The following SSC4D variants were observed in gnomAD, a reference collection of about 807,000 sequenced individuals.
SSC4D encodes the protein scavenger receptor cysteine-rich domain-containing group B protein.
In SSC4D, 57 loss-of-function variants were observed where a neutral mutation model predicts 63.4. The observed-to-expected ratio is 0.90, with a 90% CI of 0.73 to 1.12. The LOEUF (loss-of-function observed/expected upper bound fraction) is 1.12. Among genes scored for constraint, SSC4D ranks in the 50% most tolerant of loss-of-function variants. The probability of loss-of-function intolerance (pLI) is 0.00; values close to 1 mark genes in which losing one functional copy is unlikely to be tolerated. For missense variants in SSC4D, 791 were observed against 806.4 expected (o/e 0.98, Z 0.23); for synonymous variants, 352 against 345.4 (o/e 1.02, Z -0.21).
Position 76,392,023 on chromosome 7 carries a change from A to G in SSC4D, c.1352T>C (p.Leu451Pro), listed in dbSNP as rs1284091057. 5 of 1,580,060 alleles carry G rather than the reference A, an allele frequency of 3.2e-6. No homozygotes were observed. The East Asian group carries it at 1.2e-4, about 36-fold the overall frequency. Reference sequence around the variant, plus strand: ...CTCAGAACCATCCTGCTGGACTTGCAGTCCCAGCTCCTCTGGGCCTGGTTC... The same window carrying G: ...CTCAGAACCATCCTGCTGGACTTGCGGTCCCAGCTCCTCTGGGCCTGGTTC... Reference protein sequence around the residue: ...ALCAGPEELGLQVQQDGSETT... With the variant: ...ALCAGPEELGPQVQQDGSETT... The change falls in exon 10 of 11, where the codon CTG (leucine) becomes CCG (proline). Residue 451 changes from leucine to proline, a missense_variant. By Grantham distance (98) the Leu-to-Pro change is moderately conservative (BLOSUM62 -3). Coordinates refer to ENST00000275560, the MANE Select transcript of SSC4D (RefSeq NM_080744.2).
At position 76,404,354 on chromosome 7, in the gene SSC4D, G is replaced by C; in HGVS notation, c.86C>G (p.Pro29Arg). 6.2e-7 allele frequency: 1 copy of C among 1,613,192 alleles called. No individual in the cohort carries two copies. Among genetic ancestry groups the C allele is most frequent in the Non-Finnish European group, 8.5e-7 (1 of 1,179,650 alleles). The change falls in exon 2 of 11, where the codon CCT (proline) becomes CGT (arginine). Residue 29 changes from proline (P) to arginine (R), a missense_variant. Physicochemically the swap from Pro to Arg is moderately radical, Grantham distance 103 (BLOSUM62 -2). Transcript: ENST00000275560. The stretch of plus-strand genomic sequence containing the variant: ...AGACAGGGCTTGGGGGAGGAAGGGA[G>C]GGGCAGCACTCCCATCTCCCAACCT... The part of the protein sequence containing the change: ...GWRLGDGSAA[P>R]PFLPQALSFL...
At chr7:76,397,420 C>A in intron 6 of SSC4D, 98 bp downstream of exon 6, 1 of 1,380,764 alleles carries the variant, frequency 7.2e-7, no homozygotes, top group South Asian at 1.5e-5. Flanking sequence ...CCAAAACACC[C>A]TCCCCATCCA....
intron 1 of SSC4D, among the ~76,000 whole-genome samples, chr7:76,406,747 G>A (rs1220827576): frequency 6.7e-6 from 1 of 150,066 alleles, no homozygotes; most frequent in Admixed American, 6.7e-5. Context: ...CTCCTGTCTT[G>A]CACTTTTTTT....
rs1804606987 is a variant in SSC4D at position 76,395,164 on chromosome 7, C to T, written c.946+89G>A. On this transcript the variant is annotated intron_variant, in intron 7 of 10. Coordinates refer to ENST00000275560, the MANE Select transcript of SSC4D (RefSeq NM_080744.2). Reference sequence around the variant, plus strand: ...AAGCCCTGGCCTGTTAGCCAGGGCCCCCGCCTGTGAATCCAGAACATTCTT... The same window carrying T: ...AAGCCCTGGCCTGTTAGCCAGGGCCTCCGCCTGTGAATCCAGAACATTCTT... The T allele has an allele frequency of 1.1e-5, 17 of 1,497,748 alleles. No individual in the cohort carries two copies. In the South Asian group the frequency reaches 1.7e-4, roughly 15 times the overall value. 92.8% of individuals were successfully genotyped at this position (1,497,748 alleles called of 1,614,324 possible).
chr7:76,398,988 AG>A (rs758176671), intron 4 of SSC4D, among the ~76,000 whole-genome samples, 191 bp from the exon 5 acceptor site: 1 of 152,278 alleles, frequency 6.6e-6, no homozygotes, highest in Middle Eastern at 3.4e-3. Context: ...ACTCCTCTAA[AG>A]CACGGTTTTT....
chr7:76,395,210 A>C, intron 7 of SSC4D, 43 bp downstream of exon 7: 1 of 1,607,844 alleles, frequency 6.2e-7, no homozygotes, highest in South Asian at 1.1e-5. Context: ...AGCCGCACCC[A>C]CCATACCCCT....
At chr7:76,404,592 G>A in intron 1 of SSC4D, 87 bp from the exon 2 acceptor site, 1 of 1,099,480 alleles carries the variant, frequency 9.1e-7, no homozygotes, top group Non-Finnish European at 1.3e-6. Flanking sequence ...AGGGGTTTGA[G>A]ATCAGCCTGG....
chr7:76,393,269 G>A (rs942857846), intron 9 of SSC4D, 136 bp downstream of exon 9: 5 of 923,462 alleles, frequency 5.4e-6, no homozygotes, highest in South Asian at 5.6e-5. Context: ...ACGGCGGGGC[G>A]GCGCCCCTCT....
rs1370745079 is a variant in SSC4D at position 76,405,185 on chromosome 7, C to A, written c.-66-680G>T. 1.5e-4 allele frequency among the ~76,000 whole-genome samples: 20 copies of A among 134,576 alleles called. No individual in the cohort carries two copies. The East Asian group carries it at 4.4e-3, about 29-fold the overall frequency. 88.3% of individuals were successfully genotyped at this position (134,576 alleles called of 152,430 possible). A position where few individuals can be genotyped will look rare whatever the true frequency, so the allele number is the denominator to read the frequency against. ...ATGGCACAATCTCGGCTCACTGCAA[C>A]CTCCATCTCTCAGGTTCAAGTGATT... is the stretch of plus-strand genomic sequence containing the variant. On this transcript the variant is annotated intron_variant, in intron 1 of 10. Transcript: ENST00000275560.
At position 76,397,758 on chromosome 7, in the gene SSC4D, A is replaced by T; in HGVS notation, c.628T>A (p.Trp210Arg). 6.2e-7 allele frequency: 1 copy of T among 1,613,004 alleles called. No homozygotes were observed. Among genetic ancestry groups the T allele is most frequent in the Non-Finnish European group, 8.5e-7 (1 of 1,179,648 alleles). ...GRVEILHSGL[W>R]GTVCDDDWGL... Reference sequence around the variant, plus strand: ...CAGTCGTCGTCACACACGGTGCCCCACAGGCCACTGTGCAGGATCTCCACT... The same window carrying T: ...CAGTCGTCGTCACACACGGTGCCCCTCAGGCCACTGTGCAGGATCTCCACT... Residue 210 changes from tryptophan (W) to arginine (R), a missense_variant, in exon 6 of 11, where the codon TGG (tryptophan) becomes AGG (arginine). By Grantham distance (101) the Trp-to-Arg change is moderately radical. Coordinates refer to ENST00000275560, the MANE Select transcript of SSC4D (RefSeq NM_080744.2).
intron 1 of SSC4D, among the ~76,000 whole-genome samples, chr7:76,405,495 T>C (rs1399150401): frequency 6.7e-6 from 1 of 150,346 alleles, no homozygotes; most frequent in Non-Finnish European, 1.5e-5. Flanking sequence ...ACATTTCTTT[T>C]TTATGAGTCG....
rs1001726254 is a variant in SSC4D at position 76,404,561 on chromosome 7, G to A, written c.-66-56C>T. On this transcript the variant is annotated intron_variant, in intron 1 of 10. Coordinates refer to ENST00000275560, the MANE Select transcript of SSC4D (RefSeq NM_080744.2). ...CCTCCCAGCACTTTGGGAGGCCGAG[G>A]TGGGAGGATTGCTTGCACCCAGGGG... The A allele has an allele frequency of 4.1e-6, 6 of 1,467,960 alleles. No individual in the cohort carries two copies. The Admixed American group carries it at 1.0e-4, about 25-fold the overall frequency. 90.9% of individuals were successfully genotyped at this position (1,467,960 alleles called of 1,614,324 possible). A position where few individuals can be genotyped will look rare whatever the true frequency, so the allele number is the denominator to read the frequency against.
At chr7:76,392,499 A>G (rs1211161384) in intron 9 of SSC4D, among the ~76,000 whole-genome samples, 1 of 151,090 alleles carries the variant, frequency 6.6e-6, no homozygotes, top group Non-Finnish European at 1.5e-5. Flanking sequence ...GCAGTGAGCC[A>G]CTGCACTTCA....
At chr7:76,408,415 TG>T (rs1805117495) in intron 1 of SSC4D, among the ~76,000 whole-genome samples, 1 of 152,034 alleles carries the variant, frequency 6.6e-6, no homozygotes, top group South Asian at 2.1e-4. Flanking sequence ...GTCCAGTCTT[TG>T]CTTGTTGTGG....
chr7:76,405,675 A>G (rs1805001712), intron 1 of SSC4D, among the ~76,000 whole-genome samples: 1 of 151,876 alleles, frequency 6.6e-6, no homozygotes, highest in Admixed American at 6.6e-5. Flanking sequence ...CTGAGTGGAG[A>G]CGACGGCAGA....
chr7:76,400,403 T>G lies in SSC4D; in HGVS notation c.358A>C (p.Ile120Leu), dbSNP rs774191435. The G allele has an allele frequency of 1.9e-6, 3 of 1,601,476 alleles. No homozygotes were observed. The African/African-American group carries it at 4.0e-5, about 21-fold the overall frequency. ...CGGCACTCCACGTTGTCCAGCAGGA[T>G]GGGGCCTCGGCCTTGGCCAAAGGCA... ...PLAFGQGRGPILLDNVECRGQ... is the reference protein window; with the variant it reads ...PLAFGQGRGPLLLDNVECRGQ... Residue 120 changes from isoleucine to leucine, a missense_variant, in exon 4 of 11, where the codon ATC becomes CTC. Ile to Leu is a conservative substitution (Grantham distance 5). Coordinates refer to ENST00000275560, the MANE Select transcript of SSC4D (RefSeq NM_080744.2).
chr7:76,398,568 G>A (rs1804714819), intron 5 of SSC4D, 152 bp downstream of exon 5: 1 of 830,376 alleles, frequency 1.2e-6, no homozygotes, highest in Non-Finnish European at 2.0e-6. Flanking sequence ...GCCTCCCAAA[G>A]TGCTGGGATT....
At chr7:76,400,677 T>C in intron 3 of SSC4D, 86 bp from the exon 4 acceptor site, 1 of 1,346,196 alleles carries the variant, frequency 7.4e-7, no homozygotes. Flanking sequence ...TATTTTATTA[T>C]TATTTTTTTT....
chr7:76,408,236 T>A (rs976113487), intron 1 of SSC4D, among the ~76,000 whole-genome samples: 4 of 152,094 alleles, frequency 2.6e-5, no homozygotes, highest in Admixed American at 2.6e-4. Flanking sequence ...AAAGTCTGGT[T>A]GGGGAGAAGA....
Sources: gnomAD v4.1 joint callset for allele counts (sites outside exome capture counted in the v4.1 genomes callset) on GRCh38, gnomAD v4.1.1 for gene constraint, MANE v1.5 for transcripts, NCBI Gene and HGNC (gene_info 2026-07-23, HGNC 2026-07-21) for gene names.